Variants in MCM7 observed in about 807,000 individuals in gnomAD.
MCM7 encodes the protein minichromosome maintenance complex component 7.
A neutral mutation model predicts 83.5 loss-of-function variants in MCM7; 95 were observed. The observed-to-expected ratio is 1.14, with a 90% CI of 0.96 to 1.35. The LOEUF is 1.35. Among genes scored for constraint, MCM7 ranks in the 40% most tolerant of loss-of-function variants. The pLI, the probability that MCM7 is intolerant of heterozygous loss-of-function variation, is 0.00. For missense variants in MCM7, 1,087 were observed against 957.4 expected (o/e 1.14, Z -1.79); for synonymous variants, 461 against 352.7 (o/e 1.31, Z -3.44).
rs1258312442 is a variant in MCM7, at chr7:100,098,146, C to T, written c.865G>A (p.Val289Ile). 3.7e-6 allele frequency: 6 copies of T among 1,613,884 alleles called. No individual in the cohort carries two copies. Among genetic ancestry groups the T allele is most frequent in the Non-Finnish European group, 5.1e-6 (6 of 1,179,944 alleles). The change falls in exon 7 of 15, where the codon GTA (valine) becomes ATA (isoleucine). Residue 289 changes from valine (V) to isoleucine (I), a missense_variant. Val to Ile is a conservative substitution (Grantham distance 29). Coordinates refer to ENST00000303887, the MANE Select transcript of MCM7 (RefSeq NM_005916.5). ...PILRTGFRQV[V>I]QGLLSETYLE... ...CATGTCAAACTCTTCCTTACCTGTACCACCTGTCGGAACCCAGTGCGCAGG... is the reference window on the plus strand; with the variant it reads ...CATGTCAAACTCTTCCTTACCTGTATCACCTGTCGGAACCCAGTGCGCAGG...
In MCM7 at chr7:100,093,075, G is replaced by A. The variant is rs532820415; in HGVS notation, c.2017C>T (p.Arg673Ter). ...ATVRELVSGG[R>*]SVRFSEAEQR... ...TCTGCCTCAGAGAACCGGACACTTC[G>A]GCCCCCTGAGACCAGTTCACGGACG... The change falls in exon 15 of 15, where the codon CGA becomes TGA. Residue 673 changes from arginine to a stop codon, truncating the protein, a stop_gained. Transcript: ENST00000303887. LOFTEE classifies it high-confidence loss of function. 6 of 1,614,200 alleles carry A rather than the reference G, an allele frequency of 3.7e-6. No homozygotes were observed. The highest frequency in any genetic ancestry group is 1.3e-5 in the African/African-American group (1 of 75,048).
Position 100,099,857 on chromosome 7 carries a change from C to T in MCM7, c.112-104G>A, listed in dbSNP as rs989517484. 6.0e-6 allele frequency: 9 copies of T among 1,503,134 alleles called. No individual in the cohort carries two copies. In the Admixed American group the frequency reaches 1.6e-4, roughly 27 times the overall value. 93.1% of individuals were successfully genotyped at this position (1,503,134 alleles called of 1,614,324 possible). ...CTGAGAACTCAGCACAGGCTCTGGGCATCCACAGGGGAGAACGCAGCGCCA... is the reference window on the plus strand; with the variant it reads ...CTGAGAACTCAGCACAGGCTCTGGGTATCCACAGGGGAGAACGCAGCGCCA... On this transcript the variant is annotated intron_variant, in intron 2 of 14. Coordinates refer to ENST00000303887, the MANE Select transcript of MCM7 (RefSeq NM_005916.5).
intron 2 of MCM7, 52 bp downstream of exon 2, chr7:100,099,962 T>G: frequency 6.6e-7 from 1 of 1,521,378 alleles, no homozygotes. Flanking sequence ...CTGCTGCTTA[T>G]GGCTCCTTAA....
chr7:100,093,003 C>CCGCCTGGAACTGGGCGGGTGTGA lies in MCM7; in HGVS notation c.2066_2088dup (p.Ala697SerfsTer75). ...TTGAGCTCCTCATATTCATCCAGAG[C>CCGCCTGGAACTGGGCGGGTGTGA]CGCCTGGAACTGGGCGGGTGTGAAG... is the stretch of plus-strand genomic sequence containing the variant. On this transcript the variant is annotated frameshift_variant, in exon 15 of 15. Transcript: ENST00000303887. LOFTEE classifies it high-confidence loss of function. 6.2e-7 allele frequency: 1 copy of CCGCCTGGAACTGGGCGGGTGTGA among 1,614,248 alleles called. No homozygotes were observed. The highest frequency in any genetic ancestry group is 1.1e-5 in the South Asian group (1 of 91,090).
chr7:100,095,652 C>G, intron 11 of MCM7, 122 bp downstream of exon 11: 1 of 1,401,568 alleles, frequency 7.1e-7, no homozygotes, highest in Non-Finnish European at 9.6e-7. Context: ...GGACCAGCCC[C>G]TGCTGCAAAG....
intron 13 of MCM7, chr7:100,093,798 T>C (rs775673741): frequency 1.9e-5 from 12 of 615,994 alleles, no homozygotes; most frequent in South Asian, 1.6e-4. Context: ...AGCTCAGCAG[T>C]AGGTTGGGTA....
chr7:100,097,502 G>A, intron 9 of MCM7, 112 bp downstream of exon 9: 1 of 1,575,874 alleles, frequency 6.3e-7, no homozygotes, highest in Non-Finnish European at 8.7e-7. Flanking sequence ...CCCTCCCTGT[G>A]TCCACGAAGG....
chr7:100,099,449 G>A, intron 3 of MCM7, 46 bp from the exon 4 acceptor site: 1 of 1,570,448 alleles, frequency 6.4e-7, no homozygotes, highest in Non-Finnish European at 8.6e-7. Context: ...GCAACAGGAT[G>A]GGGAAAGGAG....
At chr7:100,093,487 C>G in intron 13 of MCM7, 86 bp from the exon 14 acceptor site, 1 of 1,250,870 alleles carries the variant, frequency 8.0e-7, no homozygotes, top group Non-Finnish European at 1.2e-6. Context: ...GGCTTTAAGG[C>G]TGGGCAGCCC....
intron 1 of MCM7, 143 bp from the exon 2 acceptor site, chr7:100,100,236 A>G: frequency 7.0e-7 from 1 of 1,428,274 alleles, no homozygotes; most frequent in Middle Eastern, 2.6e-4. Context: ...AAGTGGGCAT[A>G]ACTCTTTTTC....
At chr7:100,100,336 C>T in intron 1 of MCM7, 1 of 1,183,670 alleles carries the variant, frequency 8.4e-7, no homozygotes, top group South Asian at 2.1e-5. Context: ...CCGGTCCCTA[C>T]TTTAGTTTAA....
chr7:100,093,204 G>T, intron 14 of MCM7, 71 bp from the exon 15 acceptor site: 2 of 1,595,916 alleles, frequency 1.3e-6, no homozygotes, highest in Non-Finnish European at 8.6e-7. Context: ...GAGAACAATG[G>T]TGGCCAGTGT....
Position 100,099,004 on chromosome 7 carries a change from C to T in MCM7, c.582+19G>A, listed in dbSNP as rs1214663469. 2 of 1,613,168 alleles carry T rather than the reference C, an allele frequency of 1.2e-6. No individual in the cohort carries two copies. Among genetic ancestry groups the T allele is most frequent in the African/African-American group, 1.3e-5 (1 of 74,928 alleles). On this transcript the variant is annotated intron_variant, in intron 5 of 14. Transcript: ENST00000303887. The stretch of plus-strand genomic sequence containing the variant: ...CAACTAATGGGTAAGTGCTTTCCTG[C>T]TTCTTGCTCCACACGTACCGGCTGG...
At chr7:100,095,268 C>T in intron 12 of MCM7, 119 bp downstream of exon 12, 1 of 850,470 alleles carries the variant, frequency 1.2e-6, no homozygotes, top group Non-Finnish European at 2.0e-6. Flanking sequence ...AGGCTCTGGA[C>T]ATGTCTGTAG....
rs766093422 is a variant in MCM7, at chr7:100,096,179, G to A, written c.1202-12C>T. ...TGTTGTGTACTGGCCTGGAAGAGAA[G>A]AAATAAGGAACCATGAGAGAGAAAG... On this transcript the variant is annotated splice_polypyrimidine_tract_variant and intron_variant, in intron 10 of 14. Transcript: ENST00000303887. The A allele has an allele frequency of 1.1e-5, 17 of 1,549,622 alleles. 1 individual carries two copies. In the African/African-American group the frequency reaches 1.2e-4, roughly 11 times the overall value.
intron 11 of MCM7, 86 bp downstream of exon 11, chr7:100,095,688 G>A (rs748179934): frequency 2.6e-5 from 39 of 1,483,868 alleles, no homozygotes; most frequent in African/African-American, 2.8e-5. Context: ...TTCCAGGAGC[G>A]TGGAATTTGT....
Position 100,101,014 on chromosome 7 carries a change from C to T in MCM7, c.31+250G>A, listed in dbSNP as rs961322726. The T allele has an allele frequency of 3.8e-6, 3 of 793,354 alleles. No individual in the cohort carries two copies. The South Asian group carries it at 5.7e-5, about 15-fold the overall frequency. The allele number at this position is 793,354 out of a possible 1,614,324, so 49.1% of individuals were successfully genotyped here. On this transcript the variant is annotated intron_variant, in intron 1 of 14. Coordinates refer to ENST00000303887, the MANE Select transcript of MCM7 (RefSeq NM_005916.5). ...AGCCCCCAGCCGGGTTAGCGCGCCC[C>T]CAAGCCCCCAACCCCACGACCCTAA...
intron 1 of MCM7, chr7:100,100,402 T>C (rs1468466746): frequency 9.4e-6 from 10 of 1,060,518 alleles, no homozygotes; most frequent in Middle Eastern, 4.5e-4. Context: ...GGTTCTCAGC[T>C]TTCTTTCCAC....
Position 100,096,023 on chromosome 7 carries a change from T to C in MCM7, c.1346A>G (p.Lys449Arg). Residue 449 changes from lysine to arginine, a missense_variant, in exon 11 of 15, where the codon AAG becomes AGG. By Grantham distance (26) the Lys-to-Arg change is conservative. Coordinates refer to ENST00000303887, the MANE Select transcript of MCM7 (RefSeq NM_005916.5). ...QGVCCIDEFD[K>R]MAEADRTAIH... is the part of the protein sequence containing the mutation. ...GGCTGTGCGGTCGGCCTCAGCCATC[T>C]TGTCGAACTCATCAATGCAGCACAC... The C allele has an allele frequency of 6.2e-7, 1 of 1,613,994 alleles. No homozygotes were observed. Among genetic ancestry groups the C allele is most frequent in the Non-Finnish European group, 8.5e-7 (1 of 1,179,994 alleles).
Sources: allele counts gnomAD v4.1 joint callset, GRCh38; gene constraint gnomAD v4.1.1; transcripts MANE v1.5; gene names NCBI Gene and HGNC (gene_info 2026-07-23, HGNC 2026-07-21).